DRC8: variants seen among roughly 807,000 people sequenced by gnomAD.
DRC8 encodes the protein dynein regulatory complex subunit 8, also known as dynein regulatory complex protein 8.
At chr1:245,015,368 C>T in the DRC8 span, among the ~76,000 whole-genome samples, 2 of 152,186 alleles carry the variant, frequency 1.3e-5, no homozygotes, top group Admixed American at 6.6e-5. Context: ...TCTCTCTGCA[C>T]CTAACATAAA....
At chr1:244,981,747 C>T in the DRC8 span, among the ~76,000 whole-genome samples, 228 of 152,256 alleles carry the variant, frequency 1.5e-3, 2 homozygotes, top group Non-Finnish European at 2.8e-4. Context: ...CTCACACTTC[C>T]TCCGGTTTTA....
At chr1:245,124,107 G>T in the DRC8 span, 2 of 189,708 alleles carry the variant, frequency 1.1e-5, no homozygotes, top group Non-Finnish European at 2.2e-5. Context: ...CTTGGAGATG[G>T]CTGCAGTTGG....
chr1:245,003,383 T>C, the DRC8 span, among the ~76,000 whole-genome samples: 3 of 152,182 alleles, frequency 2.0e-5, no homozygotes, highest in Non-Finnish European at 2.9e-5. Context: ...CCAAAGAAGA[T>C]ACTATTATTA....
the DRC8 span, among the ~76,000 whole-genome samples, chr1:245,005,543 G>A: frequency 7.2e-5 from 11 of 151,918 alleles, no homozygotes; most frequent in Admixed American, 3.9e-4. Context: ...GGATTTCAAC[G>A]TGTTGGTCAG....
At chr1:245,067,379 T>TA in the DRC8 span, among the ~76,000 whole-genome samples, 3 of 152,250 alleles carry the variant, frequency 2.0e-5, no homozygotes, top group African/African-American at 7.2e-5. Flanking sequence ...AAACAAATGT[T>TA]ACAGTTTTTT....
At chr1:245,002,124 C>T in the DRC8 span, 1 of 1,601,312 alleles carries the variant, frequency 6.2e-7, no homozygotes, top group African/African-American at 1.3e-5. Flanking sequence ...ATGCTAGGGC[C>T]TGGGATACAA....
the DRC8 span, chr1:245,083,482 G>A: frequency 2.5e-6 from 4 of 1,613,474 alleles, no homozygotes; most frequent in Non-Finnish European, 3.4e-6. Flanking sequence ...TCGAGCTTTT[G>A]AGGTATGTAA....
At chr1:245,055,344 C>G in the DRC8 span, among the ~76,000 whole-genome samples, 1 of 152,110 alleles carries the variant, frequency 6.6e-6, no homozygotes. Flanking sequence ...TTTAGAGACA[C>G]GATCTCACTC....
chr1:245,032,047 A>G, the DRC8 span, among the ~76,000 whole-genome samples: 6 of 152,310 alleles, frequency 3.9e-5, no homozygotes, highest in African/African-American at 1.4e-4. Flanking sequence ...ACCATGGCCA[A>G]CTGTAGCAAT....
the DRC8 span, among the ~76,000 whole-genome samples, chr1:245,104,947 C>T: frequency 6.6e-6 from 1 of 152,324 alleles, no homozygotes; most frequent in African/African-American, 2.4e-5. Flanking sequence ...TTTCCCTCCC[C>T]TTTTGTTCTT....
chr1:245,016,317 T>C, the DRC8 span, among the ~76,000 whole-genome samples: 1 of 152,110 alleles, frequency 6.6e-6, no homozygotes, highest in African/African-American at 2.4e-5. Context: ...CTCATACCTT[T>C]CTGATCTTAT....
chr1:245,084,501 C>T, the DRC8 span, among the ~76,000 whole-genome samples: 1 of 152,150 alleles, frequency 6.6e-6, no homozygotes, highest in Non-Finnish European at 1.5e-5. Context: ...GCCCATCATA[C>T]ATATATGCAT....
chr1:245,034,614 A>AAAAAAAAAAAAAAAAAAAAAAAAAAG, the DRC8 span, among the ~76,000 whole-genome samples: 1 of 149,608 alleles, frequency 6.7e-6, no homozygotes, highest in African/African-American at 2.4e-5. Context: ...AAAAAAAAAA[A>AAAAAAAAAAAAAAAAAAAAAAAAAAG]AAAAAAAAAA....
chr1:245,115,877 G>A, the DRC8 span, among the ~76,000 whole-genome samples: 210 of 142,258 alleles, frequency 1.5e-3, 5 homozygotes, highest in East Asian at 0.041. Flanking sequence ...AACAGAGTGA[G>A]ATCCTATCTC....
the DRC8 span, among the ~76,000 whole-genome samples, chr1:245,035,927 G>A: frequency 3.3e-5 from 5 of 151,514 alleles, no homozygotes; most frequent in Non-Finnish European, 5.9e-5. Context: ...AGCTAAAATC[G>A]TAAGACCCTT....
the DRC8 span, among the ~76,000 whole-genome samples, chr1:244,990,421 C>G: frequency 6.6e-6 from 1 of 152,150 alleles, no homozygotes; most frequent in Non-Finnish European, 1.5e-5. Flanking sequence ...AGGTTTTAGG[C>G]ACCCACTGCA....
chr1:244,980,402 G>GAGACAATCATA, the DRC8 span, among the ~76,000 whole-genome samples: 1 of 152,018 alleles, frequency 6.6e-6, no homozygotes, highest in Non-Finnish European at 1.5e-5. Flanking sequence ...TTTTTAGCAA[G>GAGACAATCATA]AGACAATCAT....
chr1:245,012,551 C>G, the DRC8 span, among the ~76,000 whole-genome samples: 5 of 151,492 alleles, frequency 3.3e-5, no homozygotes, highest in African/African-American at 7.3e-5. Context: ...CAATTTTTAC[C>G]TCAAACACTT....
chr1:245,083,132 A>G, the DRC8 span, among the ~76,000 whole-genome samples: 3 of 152,306 alleles, frequency 2.0e-5, no homozygotes, highest in South Asian at 6.2e-4. Context: ...CAAGAGAGTG[A>G]GCATTACTGC....
Sources: gnomAD v4.1 joint callset for allele counts (sites outside exome capture counted in the v4.1 genomes callset) on GRCh38, gnomAD v4.1.1 for gene constraint, MANE v1.5 for transcripts, NCBI Gene and HGNC (gene_info 2026-07-23, HGNC 2026-07-21) for gene names.